The following IL23R variants were observed in gnomAD, a reference collection of about 807,000 sequenced individuals.
IL23R encodes the protein interleukin-23 receptor.
A neutral mutation model predicts 56.9 loss-of-function variants in IL23R; 34 were observed. That is an observed-to-expected ratio of 0.60 (90% CI 0.45 to 0.80). The LOEUF is 0.80. Ranked by LOEUF, IL23R falls within the 30% of genes least tolerant of loss-of-function variation. The pLI, the probability that IL23R is intolerant of heterozygous loss-of-function variation, is 0.00. For missense variants in IL23R, 635 were observed against 730.0 expected (o/e 0.87, Z 1.50); for synonymous variants, 230 against 249.2 (o/e 0.92, Z 0.73).
chr1:67,197,126 A>G lies in IL23R; in HGVS notation c.492-3611A>G, dbSNP rs557962147. 2.4e-3 allele frequency among the ~76,000 whole-genome samples: 360 copies of G among 152,312 alleles called. 1 individual carries two copies. Among genetic ancestry groups the G allele is most frequent in the African/African-American group, 8.2e-3 (341 of 41,560 alleles). On this transcript the variant is annotated intron_variant, in intron 4 of 10. Transcript: ENST00000347310. ...TGTGAGTGAACTCAGAGAGTAGGGA[A>G]AGAAACCCAGGTGGAAGGCTGGAGG... is the stretch of plus-strand genomic sequence containing the variant.
intron 9 of IL23R, among the ~76,000 whole-genome samples, chr1:67,243,505 T>C (rs746945878): frequency 2.6e-5 from 4 of 152,036 alleles, no homozygotes; most frequent in Non-Finnish European, 5.9e-5. Flanking sequence ...TTCCCCTCCT[T>C]GTGTCCGTGT....
At chr1:67,205,899 CTTTCTTTCTTTCTTTCTTTCTTTCTTT>C (rs1381698539) in intron 5 of IL23R, among the ~76,000 whole-genome samples, 3 of 123,362 alleles carry the variant, frequency 2.4e-5, no homozygotes, top group African/African-American at 8.4e-5. Flanking sequence ...TTCTTTCTTT[CTTTCTTTCTTTCTTTCTTTCTTTCTTT>C]TTCTTTCTTT....
At chr1:67,179,918 G>A (rs5999540) in intron 3 of IL23R, among the ~76,000 whole-genome samples, 1 of 152,144 alleles carries the variant, frequency 6.6e-6, no homozygotes, top group Non-Finnish European at 1.5e-5. Flanking sequence ...TTTCCATGTA[G>A]TTGAGCAGTT....
At chr1:67,208,812 G>C (rs1404531222) in intron 6 of IL23R, among the ~76,000 whole-genome samples, 2 of 152,134 alleles carry the variant, frequency 1.3e-5, no homozygotes, top group South Asian at 2.1e-4. Context: ...TGTGAGAAGA[G>C]GGCCACCATC....
intron 1 of IL23R, among the ~76,000 whole-genome samples, chr1:67,160,569 A>G (rs1646809489): frequency 6.6e-6 from 1 of 152,246 alleles, no homozygotes; most frequent in Non-Finnish European, 1.5e-5. Flanking sequence ...TGGACAACTT[A>G]CAATCACTAT....
Position 67,219,703 on chromosome 1 carries a change from C to A in IL23R, c.928C>A (p.Leu310Met), listed in dbSNP as rs777827669. Reference sequence around the variant, plus strand: ...AAGGTACTGGCAGCCTTGGAGTTCACTGTTTTTTCATAAAACACCTGAAAC... The same window carrying A: ...AAGGTACTGGCAGCCTTGGAGTTCAATGTTTTTTCATAAAACACCTGAAAC... The part of the protein sequence containing the change: ...GKRYWQPWSS[L>M]FFHKTPETVP... Residue 310 changes from leucine (L) to methionine (M), a missense_variant, in exon 7 of 11, where the codon CTG (leucine) becomes ATG (methionine). Coordinates refer to ENST00000347310, the MANE Select transcript of IL23R (RefSeq NM_144701.3). 12 of 1,613,828 alleles carry A rather than the reference C, an allele frequency of 7.4e-6. No homozygotes were observed. The highest frequency in any genetic ancestry group is 1.0e-5 in the Non-Finnish European group (12 of 1,179,862).
At chr1:67,192,605 A>G (rs539375517) in intron 4 of IL23R, among the ~76,000 whole-genome samples, 1 of 152,280 alleles carries the variant, frequency 6.6e-6, no homozygotes, top group South Asian at 2.1e-4. Flanking sequence ...TAACATTTTC[A>G]AAACCAAACA....
chr1:67,200,245 T>C (rs1479660936), intron 4 of IL23R, among the ~76,000 whole-genome samples: 1 of 152,094 alleles, frequency 6.6e-6, no homozygotes, highest in African/African-American at 2.4e-5. Context: ...GGTTTCACCA[T>C]GTTAGCCAGG....
chr1:67,260,591 A>G (rs1295850448), downstream of IL23R, among the ~76,000 whole-genome samples: 7 of 152,184 alleles, frequency 4.6e-5, no homozygotes, highest in Non-Finnish European at 8.8e-5. Flanking sequence ...TAGGAGATTA[A>G]ATCTATCTAC....
At chr1:67,214,987 G>C (rs943542243) in intron 6 of IL23R, among the ~76,000 whole-genome samples, 1 of 152,130 alleles carries the variant, frequency 6.6e-6, no homozygotes, top group African/African-American at 2.4e-5. Context: ...GCCCTGTTTT[G>C]TTTCTCTCTG....
intron 4 of IL23R, among the ~76,000 whole-genome samples, chr1:67,196,399 G>T (rs1648156741): frequency 6.6e-6 from 1 of 152,124 alleles, no homozygotes; most frequent in Non-Finnish European, 1.5e-5. Context: ...AATTAGTTAG[G>T]CCTGGTGGCA....
intron 1 of IL23R, among the ~76,000 whole-genome samples, chr1:67,142,275 A>C (rs1185728924): frequency 6.6e-6 from 1 of 152,186 alleles, no homozygotes; most frequent in African/African-American, 2.4e-5. Flanking sequence ...TTAAATTAAA[A>C]AGAATATTTT....
intron 3 of IL23R, among the ~76,000 whole-genome samples, 185 bp from the exon 4 acceptor site, chr1:67,182,651 A>G (rs912525908): frequency 1.3e-5 from 2 of 152,060 alleles, no homozygotes; most frequent in Admixed American, 1.3e-4. Flanking sequence ...TCCCGCACCC[A>G]CTGTCTGATA....
intron 1 of IL23R, among the ~76,000 whole-genome samples, chr1:67,145,114 G>T (rs1280868522): frequency 1.3e-5 from 2 of 152,202 alleles, no homozygotes; most frequent in Non-Finnish European, 2.9e-5. Flanking sequence ...GGAGGCCAAG[G>T]CAGGTGGATC....
chr1:67,165,075 G>A (rs529303127), upstream of IL23R, among the ~76,000 whole-genome samples: 4 of 152,194 alleles, frequency 2.6e-5, no homozygotes, highest in East Asian at 7.7e-4. Context: ...TGAGTGTGAT[G>A]GCATGTGCCT....
chr1:67,184,502 G>A (rs1299839928), intron 4 of IL23R, among the ~76,000 whole-genome samples: 8 of 148,270 alleles, frequency 5.4e-5, no homozygotes, highest in East Asian at 2.0e-4. Flanking sequence ...AGCCAAGATC[G>A]TGCCATTGCA....
intron 9 of IL23R, among the ~76,000 whole-genome samples, chr1:67,252,175 A>G (rs2100373519): frequency 6.6e-6 from 1 of 152,270 alleles, no homozygotes; most frequent in East Asian, 1.9e-4. Context: ...TAAGGATCTC[A>G]TTTTTACCTA....
upstream of IL23R, among the ~76,000 whole-genome samples, chr1:67,162,411 T>C (rs1646830242): frequency 6.6e-6 from 1 of 151,948 alleles, no homozygotes; most frequent in Non-Finnish European, 1.5e-5. Context: ...TGCTTGAACC[T>C]GGGAGGTGGA....
In IL23R at chr1:67,168,140, A is replaced by G; in HGVS notation, c.20A>G (p.Gln7Arg). ...CCAGACATGAATCAGGTCACTATTC[A>G]ATGGGATGCAGTAATAGCCCTTTAC... MNQVTIQWDAVIALYIL... is the reference protein window; with the variant it reads MNQVTIRWDAVIALYIL... Residue 7 changes from glutamine to arginine, a missense_variant, in exon 2 of 11, where the codon CAA becomes CGA. Transcript: ENST00000347310. The G allele has an allele frequency of 6.2e-7, 1 of 1,611,800 alleles. No homozygotes were observed. The highest frequency in any genetic ancestry group is 1.1e-5 in the South Asian group (1 of 90,994).
Sources: allele counts gnomAD v4.1 joint callset (sites outside exome capture counted in the v4.1 genomes callset), GRCh38; gene constraint gnomAD v4.1.1; transcripts MANE v1.5; gene names NCBI Gene and HGNC (gene_info 2026-07-23, HGNC 2026-07-21).